SYT2: variants seen among roughly 807,000 people sequenced by gnomAD.
SYT2 encodes synaptotagmin 2, also known as synaptotagmin-2.
A neutral mutation model predicts 39.9 loss-of-function variants in SYT2; 15 were observed. The observed-to-expected ratio is 0.38, with a 90% CI of 0.25 to 0.58. The LOEUF (loss-of-function observed/expected upper bound fraction) is 0.58, where lower values mean the gene tolerates loss of function less well. SYT2 is among the 20% of genes least tolerant of loss of function. The pLI is 0.70. For missense variants in SYT2, 389 were observed against 530.3 expected, an observed-to-expected ratio of 0.73 and a Z score of 2.62; for synonymous variants, 181 against 204.5, an observed-to-expected ratio of 0.89 and a Z score of 0.98.
rs1691492020 is a variant in SYT2 at position 202,628,888 on chromosome 1, G to C, written c.-17-23099C>G. Among the ~76,000 whole-genome samples the C allele has an allele frequency of 6.6e-6, 1 of 152,238 alleles. No individual in the cohort carries two copies. Among genetic ancestry groups the C allele is most frequent in the Non-Finnish European group, 1.5e-5 (1 of 68,040 alleles). ...CTGGACTGGAGTCTCGGCTCTTTTA[G>C]CCATGGGAACTTGAACAGGTTGCTT... is the stretch of plus-strand genomic sequence containing the variant. On this transcript the variant is annotated intron_variant, in intron 1 of 8. Transcript: ENST00000367268. This position sits in a 1 kb window ranked among gnomAD's most constrained non-coding sequence, Gnocchi z 4.2.
intron 1 of SYT2, among the ~76,000 whole-genome samples, chr1:202,643,909 T>A (rs1474678376): frequency 1.3e-5 from 2 of 152,010 alleles, no homozygotes; most frequent in East Asian, 1.9e-4. Flanking sequence ...GCCTCTCGGT[T>A]CGGGGGATTA....
chr1:202,678,659 C>T (rs1572674653), intron 1 of SYT2, among the ~76,000 whole-genome samples: 2 of 152,240 alleles, frequency 1.3e-5, no homozygotes, highest in East Asian at 1.9e-4. Flanking sequence ...AGGTCAGTCC[C>T]TTCACTTAAC....
chr1:202,648,035 C>T (rs1038348607), intron 1 of SYT2, among the ~76,000 whole-genome samples: 76 of 152,192 alleles, frequency 5.0e-4, no homozygotes, highest in Non-Finnish European at 8.7e-4. Flanking sequence ...TTGGTCAAGG[C>T]ACTTCACACC....
intron 1 of SYT2, among the ~76,000 whole-genome samples, chr1:202,667,765 T>A (rs1445266853): frequency 6.6e-6 from 1 of 152,064 alleles, no homozygotes; most frequent in African/African-American, 2.4e-5. Flanking sequence ...CAGGCTGGAG[T>A]GCAGTGGCAT....
chr1:202,653,236 G>A lies in SYT2; in HGVS notation c.-17-47447C>T, dbSNP rs372728675. 1.6e-4 allele frequency among the ~76,000 whole-genome samples: 24 copies of A among 151,972 alleles called. 1 individual carries two copies. The South Asian group carries it at 3.7e-3, about 24-fold the overall frequency. On this transcript the variant is annotated intron_variant, in intron 1 of 8. Transcript: ENST00000367268. The stretch of plus-strand genomic sequence containing the variant: ...CCCCAACACGGACCCCCCCTGAACC[G>A]TCCAGCCCATCTGCATCCTCATATC...
chr1:202,693,873 G>T (rs1653908149), intron 1 of SYT2, among the ~76,000 whole-genome samples: 1 of 152,242 alleles, frequency 6.6e-6, no homozygotes, highest in African/African-American at 2.4e-5. Flanking sequence ...AGGAAGCATT[G>T]CACCAGCATC....
chr1:202,633,685 C>A (rs1691661033), intron 1 of SYT2, among the ~76,000 whole-genome samples: 1 of 152,156 alleles, frequency 6.6e-6, no homozygotes. Flanking sequence ...ATTGTTACAG[C>A]CTCTAACTGA....
intron 1 of SYT2, among the ~76,000 whole-genome samples, chr1:202,653,116 G>A (rs1381207877): frequency 6.6e-6 from 1 of 151,892 alleles, no homozygotes; most frequent in Non-Finnish European, 1.5e-5. Context: ...TATTTTCATA[G>A]AAAATCTCGA....
chr1:202,656,750 G>A (rs1305243101), intron 1 of SYT2, among the ~76,000 whole-genome samples: 1 of 152,176 alleles, frequency 6.6e-6, no homozygotes, highest in African/African-American at 2.4e-5. Flanking sequence ...CCAACCTCCT[G>A]CTTCATGCAG....
At chr1:202,626,185 C>T (rs910432835) in intron 1 of SYT2, among the ~76,000 whole-genome samples, 12 of 152,016 alleles carry the variant, frequency 7.9e-5, no homozygotes, top group Non-Finnish European at 1.2e-4. Context: ...GGGTGGACTA[C>T]GATGCGGGTC....
At chr1:202,647,117 G>A (rs1347452141) in intron 1 of SYT2, among the ~76,000 whole-genome samples, 2 of 152,098 alleles carry the variant, frequency 1.3e-5, no homozygotes, top group Non-Finnish European at 1.5e-5. Context: ...CCTCCTTCAT[G>A]ATCTCTATCA....
chr1:202,642,814 C>A (rs893374442), intron 1 of SYT2, among the ~76,000 whole-genome samples: 4 of 152,216 alleles, frequency 2.6e-5, no homozygotes, highest in African/African-American at 4.8e-5. Flanking sequence ...GCGCCCCGCA[C>A]CCACTTCTCT....
chr1:202,603,248 CAAG>C lies in SYT2; in HGVS notation c.346-133_346-131del, dbSNP rs990199248. The C allele has an allele frequency of 1.5e-4, 195 of 1,310,254 alleles. 1 individual carries two copies. The highest frequency in any genetic ancestry group is 1.9e-4 in the Non-Finnish European group (185 of 965,670). The allele number at this position is 1,310,254 out of a possible 1,614,324, so 81.2% of individuals were successfully genotyped here. A position where few individuals can be genotyped will look rare whatever the true frequency, so the allele number is the denominator to read the frequency against. ...CTCAGAGCTGTGTGTGGTGGGAACA[CAAG>C]AGGGAACGTGGCCCTGCCATGGGAC... On this transcript the variant is annotated intron_variant, in intron 3 of 8. Transcript: ENST00000367268.
chr1:202,659,326 G>A (rs756400650), intron 1 of SYT2, among the ~76,000 whole-genome samples: 3 of 152,188 alleles, frequency 2.0e-5, no homozygotes, highest in Non-Finnish European at 4.4e-5. Flanking sequence ...TCAATCAGCT[G>A]TGAAAATAAA....
intron 1 of SYT2, among the ~76,000 whole-genome samples, chr1:202,691,763 GAGAGAGAGAGAGAGAGAGAGAT>G (rs1653840222): frequency 1.4e-5 from 2 of 138,270 alleles, no homozygotes; most frequent in African/African-American, 5.4e-5. Context: ...GAGAGAGAGA[GAGAGAGAGAGAGAGAGAGAGAT>G]GGGAGAGGGT....
rs1462072774 is a variant in SYT2 at position 202,628,573 on chromosome 1, TC to T, written c.-17-22785del. Among the ~76,000 whole-genome samples, 2 of 152,012 alleles carry T rather than the reference TC, an allele frequency of 1.3e-5. No homozygotes were observed. Among genetic ancestry groups the T allele is most frequent in the African/African-American group, 4.8e-5 (2 of 41,360 alleles). The stretch of plus-strand genomic sequence containing the variant: ...CAGAAACTAAAGTGGAGCATGCAAG[TC>T]CCGGGGGCACAATTAGGTGCTCCAA... On this transcript the variant is annotated intron_variant, in intron 1 of 8. Transcript: ENST00000367268. This position sits in a 1 kb window ranked among gnomAD's most constrained non-coding sequence, Gnocchi z 4.2.
intron 1 of SYT2, among the ~76,000 whole-genome samples, chr1:202,673,333 T>C (rs1325654265): frequency 6.6e-6 from 1 of 152,146 alleles, no homozygotes; most frequent in Non-Finnish European, 1.5e-5. Context: ...TACGTGAAAA[T>C]GGACCCAACG....
At chr1:202,640,750 G>GAGAGA (rs1691885086) in intron 1 of SYT2, among the ~76,000 whole-genome samples, 1 of 105,856 alleles carries the variant, frequency 9.4e-6, no homozygotes, top group South Asian at 3.4e-4. Context: ...GAGAGAGAGA[G>GAGAGA]AGAGAGAGAG....
chr1:202,613,068 CTTTTTTTTTTTTT>C (rs146069389), intron 1 of SYT2, among the ~76,000 whole-genome samples: 5 of 75,120 alleles, frequency 6.7e-5, no homozygotes, highest in Admixed American at 1.7e-4. Context: ...TTGGTTCTTC[CTTTTTTTTTTTTT>C]TTTTTTTTTT....
Sources: gnomAD v4.1 joint callset for allele counts (sites outside exome capture counted in the v4.1 genomes callset) on GRCh38, gnomAD v4.1.1 for gene constraint, Gnocchi (gnomAD v3.1) non-coding constraint, MANE v1.5 for transcripts, NCBI Gene and HGNC (gene_info 2026-07-23, HGNC 2026-07-21) for gene names.